RGS7: variants seen among roughly 807,000 people sequenced by gnomAD.
The protein encoded by RGS7 is regulator of G-protein signaling 7.
A neutral mutation model predicts 81.1 loss-of-function variants in RGS7; 27 were observed. That is an observed-to-expected ratio of 0.33 (90% CI 0.25 to 0.46). The LOEUF (loss-of-function observed/expected upper bound fraction) is 0.46. Ranked by LOEUF, RGS7 falls within the 20% of genes least tolerant of loss-of-function variation. RGS7 has a pLI of 1.00. For missense variants in RGS7, 396 were observed against 607.4 expected (o/e 0.65, Z 3.66); for synonymous variants, 208 against 207.7 (o/e 1.00, Z -0.01).
intron 4 of RGS7, among the ~76,000 whole-genome samples, chr1:240,946,103 T>C (rs908017031): frequency 1.3e-5 from 2 of 152,204 alleles, no homozygotes; most frequent in Admixed American, 1.3e-4. Flanking sequence ...TTGATTGTAA[T>C]TTTAAATACC....
chr1:241,115,607 G>A (rs1472414705), intron 2 of RGS7, among the ~76,000 whole-genome samples: 1 of 152,130 alleles, frequency 6.6e-6, no homozygotes, highest in Non-Finnish European at 1.5e-5. Context: ...TTTGAGCCTG[G>A]CTTCTCCTTC....
chr1:241,089,047 CTCTCTCTCTCTCTCTCTATA>C (rs1319167994), intron 3 of RGS7, among the ~76,000 whole-genome samples: 1 of 52,798 alleles, frequency 1.9e-5, no homozygotes, highest in Non-Finnish European at 3.6e-5. Context: ...CTCTCTCTCT[CTCTCTCTCTCTCTCTCTATA>C]TATATATATA....
chr1:241,288,709 C>T (rs2078945595), intron 2 of RGS7, among the ~76,000 whole-genome samples: 1 of 152,176 alleles, frequency 6.6e-6, no homozygotes, highest in Non-Finnish European at 1.5e-5. Flanking sequence ...AATTGCAATC[C>T]TGTAAAGAAA....
Position 240,928,855 on chromosome 1 carries a change from C to A in RGS7, c.385+1862G>T, listed in dbSNP as rs189450070. On this transcript the variant is annotated intron_variant, in intron 6 of 18. Transcript: ENST00000440928. ...CAAACTCTTGATCTCAGGTGATCTG[C>A]CCGCCTCAGCCTCCCAAAGTGCTGG... Among the ~76,000 whole-genome samples, 154 of 152,184 alleles carry A rather than the reference C, an allele frequency of 1.0e-3. 1 individual carries two copies. Among genetic ancestry groups the A allele is most frequent in the African/African-American group, 3.6e-3 (150 of 41,548 alleles).
chr1:240,963,249 G>T (rs1188163653), intron 4 of RGS7, among the ~76,000 whole-genome samples: 2 of 152,180 alleles, frequency 1.3e-5, no homozygotes, highest in Non-Finnish European at 2.9e-5. Flanking sequence ...CAGTCTATGA[G>T]ATGCCCATGA....
chr1:241,355,370 G>C (rs1450298609), intron 2 of RGS7, among the ~76,000 whole-genome samples: 1 of 152,128 alleles, frequency 6.6e-6, no homozygotes, highest in Non-Finnish European at 1.5e-5. Flanking sequence ...ATAAGAAAAA[G>C]CTTCTAAAAT....
intron 6 of RGS7, among the ~76,000 whole-genome samples, chr1:240,894,063 A>G (rs575648549): frequency 1.3e-5 from 2 of 152,310 alleles, no homozygotes; most frequent in East Asian, 3.9e-4. Context: ...TTTAAATAAT[A>G]TCATATCTGG....
chr1:240,998,473 A>G, intron 3 of RGS7: 1 of 995,576 alleles, frequency 1.0e-6, no homozygotes, highest in Admixed American at 1.9e-5. Flanking sequence ...AGCCCATGTC[A>G]CCATCAGACT....
intron 6 of RGS7, among the ~76,000 whole-genome samples, chr1:240,889,875 G>A (rs1169944657): frequency 1.3e-5 from 2 of 152,062 alleles, no homozygotes; most frequent in African/African-American, 4.8e-5. Context: ...CTCCTCCATC[G>A]CATGCGCACA....
intron 14 of RGS7, among the ~76,000 whole-genome samples, chr1:240,807,962 A>G (rs1689163442): frequency 6.6e-6 from 1 of 151,430 alleles, no homozygotes; most frequent in South Asian, 2.1e-4. Context: ...TTGAACCCGG[A>G]AAGTGGAGGT....
At chr1:241,196,411 T>G (rs560095194) in intron 2 of RGS7, among the ~76,000 whole-genome samples, 22 of 151,936 alleles carry the variant, frequency 1.4e-4, no homozygotes, top group Non-Finnish European at 2.9e-4. Context: ...CTGTTTGAAG[T>G]CATCAGAGAG....
chr1:240,801,156 G>T (rs1000081727), intron 17 of RGS7, among the ~76,000 whole-genome samples: 2 of 151,772 alleles, frequency 1.3e-5, no homozygotes, highest in African/African-American at 4.8e-5. Flanking sequence ...GGAATACAAG[G>T]AATAAAAATA....
intron 2 of RGS7, among the ~76,000 whole-genome samples, chr1:241,273,498 T>C (rs2078037738): frequency 6.6e-6 from 1 of 152,058 alleles, no homozygotes; most frequent in Non-Finnish European, 1.5e-5. Context: ...CATTTGTTTG[T>C]TTTGTTTGTT....
chr1:240,905,786 C>A (rs1394398913), intron 6 of RGS7, among the ~76,000 whole-genome samples: 1 of 152,188 alleles, frequency 6.6e-6, no homozygotes, highest in Non-Finnish European at 1.5e-5. Context: ...TGTTTTTGGA[C>A]TCTACCTGTT....
intron 2 of RGS7, among the ~76,000 whole-genome samples, 167 bp downstream of exon 2, chr1:241,355,532 G>A (rs2083506195): frequency 6.6e-6 from 1 of 152,132 alleles, no homozygotes; most frequent in African/African-American, 2.4e-5. Context: ...CCCCACATAT[G>A]CATCATTTGA....
intron 2 of RGS7, among the ~76,000 whole-genome samples, chr1:241,346,683 T>C (rs746300575): frequency 5.3e-5 from 8 of 152,260 alleles, no homozygotes; most frequent in East Asian, 1.9e-4. Context: ...TCTGCGTAAG[T>C]TGCCTTTCAG....
At chr1:240,820,684 G>A (rs1432872827) in intron 10 of RGS7, among the ~76,000 whole-genome samples, 1 of 152,172 alleles carries the variant, frequency 6.6e-6, no homozygotes, top group Non-Finnish European at 1.5e-5. Context: ...GACACAGCGA[G>A]AAGGCACCAT....
chr1:240,901,319 T>C (rs1669974300), intron 6 of RGS7, among the ~76,000 whole-genome samples: 1 of 152,290 alleles, frequency 6.6e-6, no homozygotes, highest in East Asian at 1.9e-4. Flanking sequence ...CCCAGTGAGA[T>C]GAACCTGGTA....
At chr1:241,207,323 G>C (rs529656548) in intron 2 of RGS7, among the ~76,000 whole-genome samples, 1 of 127,490 alleles carries the variant, frequency 7.8e-6, no homozygotes, top group South Asian at 2.8e-4. Flanking sequence ...CACTGTGCCA[G>C]GTATGGAGTA....
Sources: allele counts gnomAD v4.1 joint callset (sites outside exome capture counted in the v4.1 genomes callset), GRCh38; gene constraint gnomAD v4.1.1; transcripts MANE v1.5; gene names NCBI Gene and HGNC (gene_info 2026-07-23, HGNC 2026-07-21).